HMGA2: variants seen among roughly 807,000 people sequenced by gnomAD.
HMGA2 encodes high mobility group protein HMGI-C.
In HMGA2, 8 loss-of-function variants were observed where a neutral mutation model predicts 19.1. The ratio of observed to expected loss-of-function variants is 0.42; its 90% CI spans 0.25 to 0.76. HMGA2 has a LOEUF of 0.76. Ranked by LOEUF, HMGA2 falls within the 30% of genes least tolerant of loss-of-function variation. HMGA2 has a pLI of 0.28. For missense variants in HMGA2, 109 were observed against 136.3 expected (o/e 0.80, Z 1.00); for synonymous variants, 60 against 48.8 (o/e 1.23, Z -0.96).
rs1285077351 is a variant in HMGA2 at position 65,916,790 on chromosome 12, T to G, written c.250-34593T>G. On this transcript the variant is annotated intron_variant, in intron 3 of 4. Transcript: ENST00000403681. ...AATAGAGAGAAAGAGTTACTAGGGC[T>G]TAGTAGAAGAATTGAGGGAAGGATG... Among the ~76,000 whole-genome samples, 7 of 152,280 alleles carry G rather than the reference T, an allele frequency of 4.6e-5. No homozygotes were observed. In the East Asian group the frequency reaches 1.4e-3, roughly 29 times the overall value.
intron 4 of HMGA2, among the ~76,000 whole-genome samples, chr12:65,960,081 G>A (rs952493183): frequency 9.9e-5 from 15 of 152,080 alleles, no homozygotes; most frequent in Admixed American, 4.6e-4. Context: ...AGTAGAGATG[G>A]GGTTTCACCG....
At chr12:65,929,610 G>A (rs1329805557) in intron 3 of HMGA2, among the ~76,000 whole-genome samples, 1 of 151,992 alleles carries the variant, frequency 6.6e-6, no homozygotes, top group Non-Finnish European at 1.5e-5. Context: ...GGGCACTTGA[G>A]AGGTGATCTC....
intron 3 of HMGA2, among the ~76,000 whole-genome samples, chr12:65,849,284 G>A (rs1406381383): frequency 2.0e-5 from 3 of 152,234 alleles, no homozygotes; most frequent in East Asian, 3.9e-4. Flanking sequence ...TTGCATGCCT[G>A]GGCCCACTCT....
At chr12:65,923,808 G>A (rs192301951) in intron 3 of HMGA2, among the ~76,000 whole-genome samples, 171 of 152,228 alleles carry the variant, frequency 1.1e-3, no homozygotes, top group African/African-American at 3.8e-3. Flanking sequence ...TCGGGAGCTC[G>A]AGACCAGCCT....
At chr12:65,900,493 A>G (rs1874326905) in intron 3 of HMGA2, among the ~76,000 whole-genome samples, 1 of 152,232 alleles carries the variant, frequency 6.6e-6, no homozygotes, top group Non-Finnish European at 1.5e-5. Context: ...TGGTTCAGGT[A>G]GAAACCAGAC....
intron 3 of HMGA2, chr12:65,856,874 C>T (rs907689800): frequency 2.6e-5 from 4 of 152,190 alleles, no homozygotes; most frequent in Non-Finnish European, 5.9e-5. Flanking sequence ...AGGACACCAG[C>T]CATATTTGAT....
At chr12:65,898,968 C>T (rs1555185593) in intron 3 of HMGA2, among the ~76,000 whole-genome samples, 1 of 142,924 alleles carries the variant, frequency 7.0e-6, no homozygotes, top group Non-Finnish European at 1.5e-5. Flanking sequence ...GGCATGAACC[C>T]GGGAGGCTGA....
At chr12:65,900,143 T>C (rs1874312422) in intron 3 of HMGA2, among the ~76,000 whole-genome samples, 2 of 152,222 alleles carry the variant, frequency 1.3e-5, no homozygotes, top group African/African-American at 4.8e-5. Context: ...ATGTTTACTC[T>C]GTAGTCAGTG....
intron 3 of HMGA2, among the ~76,000 whole-genome samples, chr12:65,935,808 T>C (rs377530145): frequency 1.3e-4 from 20 of 152,204 alleles, no homozygotes; most frequent in African/African-American, 3.9e-4. Flanking sequence ...ATAAAATAGA[T>C]GTTCCTTTCA....
chr12:65,903,730 T>G (rs1874469796), intron 3 of HMGA2, among the ~76,000 whole-genome samples: 1 of 152,214 alleles, frequency 6.6e-6, no homozygotes, highest in East Asian at 1.9e-4. Flanking sequence ...GAGTAGTGCT[T>G]CTTCATTCTG....
chr12:65,890,852 T>G (rs1873873977), intron 3 of HMGA2, among the ~76,000 whole-genome samples: 1 of 152,000 alleles, frequency 6.6e-6, no homozygotes, highest in African/African-American at 2.4e-5. Flanking sequence ...GCCTCCTGAG[T>G]AGCTGGGATC....
chr12:65,865,372 G>GTGAA (rs1438122428), intron 3 of HMGA2, among the ~76,000 whole-genome samples: 5 of 152,066 alleles, frequency 3.3e-5, no homozygotes, highest in Non-Finnish European at 5.9e-5. Context: ...TTTCATGAGG[G>GTGAA]TGAACTTTTT....
intron 3 of HMGA2, among the ~76,000 whole-genome samples, chr12:65,884,742 G>A (rs1873585156): frequency 6.6e-6 from 1 of 152,116 alleles, no homozygotes; most frequent in African/African-American, 2.4e-5. Context: ...AGATTCATCT[G>A]GATTAATATG....
Position 65,953,407 on chromosome 12 carries a change from T to A in HMGA2, c.282+1992T>A, listed in dbSNP as rs80106362. 510 of 152,224 alleles carry A rather than the reference T, an allele frequency of 3.4e-3. 1 individual carries two copies. Among genetic ancestry groups the A allele is most frequent in the African/African-American group, 0.012 (482 of 41,538 alleles). The allele number at this position is 152,224 out of a possible 1,614,324, so 9.4% of individuals were successfully genotyped here. A position where few individuals can be genotyped will look rare whatever the true frequency, so the allele number is the denominator to read the frequency against. On this transcript the variant is annotated intron_variant, in intron 4 of 4. Coordinates refer to ENST00000403681, the MANE Select transcript of HMGA2 (RefSeq NM_003483.6). ...TTTGTTTGATTTTGTTGTTGTTGAGTTGCAGAAGGGAAAACTGAAACATAA... is the reference window on the plus strand; with the variant it reads ...TTTGTTTGATTTTGTTGTTGTTGAGATGCAGAAGGGAAAACTGAAACATAA...
At chr12:65,952,311 TCCCTAGAAG>T (rs1450218639) in intron 4 of HMGA2, 1 of 1,400,104 alleles carries the variant, frequency 7.1e-7, no homozygotes, top group Non-Finnish European at 9.7e-7. Flanking sequence ...GAAATTTTTT[TCCCTAGAAG>T]TCTTTACAAA....
chr12:65,944,590 G>T (rs979155768), intron 3 of HMGA2, among the ~76,000 whole-genome samples: 2 of 152,174 alleles, frequency 1.3e-5, no homozygotes, highest in African/African-American at 4.8e-5. Context: ...GGTACAAAAA[G>T]CTACGCAGAA....
At position 65,828,101 on chromosome 12, in the gene HMGA2, A is replaced by C. The variant is rs748859053; in HGVS notation, c.198+14A>C. The C allele has an allele frequency of 3.1e-6, 5 of 1,588,012 alleles. No homozygotes were observed. The South Asian group carries it at 5.5e-5, about 18-fold the overall frequency. ...GCAGCTCAAAAGGTGAGATTTCTCA[A>C]GTCAAGCTCTCCTAACTTCATCAAT... On this transcript the variant is annotated intron_variant, in intron 2 of 4. Transcript: ENST00000403681.
At chr12:65,849,999 G>A (rs367893489) in intron 3 of HMGA2, among the ~76,000 whole-genome samples, 7 of 152,018 alleles carry the variant, frequency 4.6e-5, no homozygotes, top group African/African-American at 1.5e-4. Flanking sequence ...GATTACAGGC[G>A]TGAGCCACTG....
intron 3 of HMGA2, among the ~76,000 whole-genome samples, chr12:65,901,416 A>G (rs1021231123): frequency 1.3e-5 from 2 of 152,206 alleles, no homozygotes; most frequent in Non-Finnish European, 2.9e-5. Context: ...AAAAATATCA[A>G]CCAATGTTCA....
Sources: allele counts gnomAD v4.1 joint callset (sites outside exome capture counted in the v4.1 genomes callset), GRCh38; gene constraint gnomAD v4.1.1; transcripts MANE v1.5; gene names NCBI Gene and HGNC (gene_info 2026-07-23, HGNC 2026-07-21).